Variants in ZNF841 observed in about 807,000 individuals in gnomAD.
The protein encoded by ZNF841 is zinc finger protein 841, also known as TCONS_00006091.
Under a neutral mutation model 13.0 loss-of-function variants are expected in ZNF841, and 11 were observed. The ratio of observed to expected loss-of-function variants is 0.85; its 90% CI spans 0.53 to 1.40. ZNF841 has a LOEUF of 1.40. ZNF841 is among the 40% of genes most tolerant of loss of function. ZNF841 has a pLI of 0.00. For synonymous variants in ZNF841, 369 were observed against 381.6 expected (o/e 0.97, Z 0.38); for missense variants, 1,068 against 1,139.5 (o/e 0.94, Z 0.90).
At chr19:52,077,284 G>C (rs903500958) in intron 4 of ZNF841, among the ~76,000 whole-genome samples, 200 bp from the exon 5 acceptor site, 1 of 151,994 alleles carries the variant, frequency 6.6e-6, no homozygotes, top group Non-Finnish European at 1.5e-5. Context: ...TATCTAAATC[G>C]GTGCACATTT....
At position 52,066,188 on chromosome 19, in the gene ZNF841, C is replaced by T. The variant is rs746705071; in HGVS notation, c.1694G>A (p.Gly565Glu). 5 of 1,613,882 alleles carry T rather than the reference C, an allele frequency of 3.1e-6. No individual in the cohort carries two copies. In the South Asian group the frequency reaches 4.4e-5, roughly 14 times the overall value. Residue 565 changes from glycine to glutamate, a missense_variant, in exon 7 of 7, where the codon GGA becomes GAA. By Grantham distance (98) the Gly-to-Glu change is moderately conservative. Coordinates refer to ENST00000594440, the MANE Select transcript of ZNF841 (RefSeq NM_001136499.2). Reference sequence around the variant, plus strand: ...TTTATTACAATGGAGAGGTTTCTCTCCAGTATGACATCTCATATGAACCGA... The same window carrying T: ...TTTATTACAATGGAGAGGTTTCTCTTCAGTATGACATCTCATATGAACCGA... ...YLSVHMRCHT[G>E]EKPLHCNKCG...
chr19:52,069,687 T>C (rs1387813618), intron 6 of ZNF841, among the ~76,000 whole-genome samples: 1 of 152,172 alleles, frequency 6.6e-6, no homozygotes, highest in Non-Finnish European at 1.5e-5. Context: ...GCTTTTTGCA[T>C]GACAATCTCT....
downstream of ZNF841, among the ~76,000 whole-genome samples, chr19:52,059,568 G>A (rs2087364105): frequency 1.3e-5 from 2 of 151,546 alleles, no homozygotes; most frequent in African/African-American, 4.9e-5. Context: ...TATATCAACA[G>A]GATTTTTAAA....
chr19:52,067,194 C>A lies in ZNF841; in HGVS notation c.688G>T (p.Val230Phe), dbSNP rs1393496306. 6.4e-7 allele frequency: 1 copy of A among 1,550,774 alleles called. No individual in the cohort carries two copies. Among genetic ancestry groups the A allele is most frequent in the Admixed American group, 2.0e-5 (1 of 50,768 alleles). ...TATTTCCTAGAAATGTTGGTTTGGA[C>A]ACCAGGAAAAATTCTTTGAAGTGGT... ...ASPLQRIFPG[V>F]QTNISRKYGN... is the part of the protein sequence containing the mutation. The change falls in exon 7 of 7, where the codon GTC (valine) becomes TTC (phenylalanine). Residue 230 changes from valine to phenylalanine, a missense_variant. Val to Phe is a conservative substitution (Grantham distance 50, BLOSUM62 -1). Coordinates refer to ENST00000594440, the MANE Select transcript of ZNF841 (RefSeq NM_001136499.2).
At chr19:52,058,669 C>G in the ZNF841 span, 4 of 152,730 alleles carry the variant, frequency 2.6e-5, no homozygotes, top group Non-Finnish European at 4.4e-5. Context: ...GACAAATTGT[C>G]TACAATATTT....
intron 6 of ZNF841, among the ~76,000 whole-genome samples, chr19:52,070,770 A>T (rs1261149932): frequency 6.6e-6 from 1 of 152,196 alleles, no homozygotes; most frequent in Non-Finnish European, 1.5e-5. Context: ...CCCTGCACAT[A>T]TTGATTTACG....
chr19:52,091,410 T>C (rs1449174825), intron 2 of ZNF841, among the ~76,000 whole-genome samples: 3 of 152,174 alleles, frequency 2.0e-5, no homozygotes, highest in African/African-American at 7.2e-5. Flanking sequence ...AAAAAGAACA[T>C]GCTAGAGGCA....
chr19:52,094,706 T>C (rs1354116621), intron 1 of ZNF841, among the ~76,000 whole-genome samples: 1 of 151,694 alleles, frequency 6.6e-6, no homozygotes, highest in Non-Finnish European at 1.5e-5. Flanking sequence ...CACTGCCCTC[T>C]CTCCCTCTCT....
At chr19:52,085,003 C>A (rs929347575) in intron 3 of ZNF841, 125 bp from the exon 4 acceptor site, 5 of 587,564 alleles carry the variant, frequency 8.5e-6, no homozygotes, top group Middle Eastern at 4.6e-4. Context: ...GGGATGCAAG[C>A]ATAATAAACT....
At chr19:52,090,864 G>A (rs1260211309) in intron 2 of ZNF841, among the ~76,000 whole-genome samples, 3 of 152,140 alleles carry the variant, frequency 2.0e-5, no homozygotes, top group Admixed American at 2.0e-4. Flanking sequence ...GCCGCCAGAA[G>A]GTATGCTGAG....
At position 52,067,318 on chromosome 19, in the gene ZNF841, A is replaced by G; in HGVS notation, c.564T>C (p.Phe188=). The G allele has an allele frequency of 6.4e-7, 1 of 1,551,630 alleles. No homozygotes were observed. Among genetic ancestry groups the G allele is most frequent in the Non-Finnish European group, 8.7e-7 (1 of 1,146,970 alleles). Residue 188 remains phenylalanine (F), a synonymous_variant, in exon 7 of 7, where the codon TTT becomes TTC. Coordinates refer to ENST00000594440, the MANE Select transcript of ZNF841 (RefSeq NM_001136499.2). ...KHMENQLILR[F]QSGLGELQKF... Reference sequence around the variant, plus strand: ...TCTGCAATTCACCCAGACCGGACTGAAACCTTAATATAAGCTGATTTTCCA... The same window carrying G: ...TCTGCAATTCACCCAGACCGGACTGGAACCTTAATATAAGCTGATTTTCCA...
chr19:52,083,339 A>G (rs1341904078), intron 4 of ZNF841, among the ~76,000 whole-genome samples: 1 of 151,182 alleles, frequency 6.6e-6, no homozygotes, highest in Non-Finnish European at 1.5e-5. Flanking sequence ...TGCATTTCCT[A>G]TTTTGGTGAA....
chr19:52,063,145 G>A (rs1211258398), downstream of ZNF841, among the ~76,000 whole-genome samples: 3 of 152,100 alleles, frequency 2.0e-5, no homozygotes, highest in Admixed American at 6.6e-5. Flanking sequence ...AAAGTGCTGG[G>A]ATTACAGGCG....
intron 4 of ZNF841, among the ~76,000 whole-genome samples, chr19:52,079,990 T>A (rs2088043520): frequency 1.7e-5 from 2 of 117,184 alleles, no homozygotes; most frequent in African/African-American, 3.2e-5. Flanking sequence ...AAACTCCATC[T>A]CAGGGAAAAA....
intron 4 of ZNF841, among the ~76,000 whole-genome samples, chr19:52,077,292 T>C (rs1213406204): frequency 6.6e-6 from 1 of 152,204 alleles, no homozygotes; most frequent in African/African-American, 2.4e-5. Flanking sequence ...TCGGTGCACA[T>C]TTCTCACTTT....
chr19:52,067,845 C>T (rs1021007984), intron 6 of ZNF841, among the ~76,000 whole-genome samples: 3 of 151,932 alleles, frequency 2.0e-5, no homozygotes, highest in African/African-American at 7.3e-5. Context: ...ATCCTTCGAC[C>T]AAAAGACTCA....
intron 4 of ZNF841, among the ~76,000 whole-genome samples, chr19:52,079,523 GT>G: frequency 1.0e-5 from 1 of 95,742 alleles, no homozygotes; most frequent in East Asian, 2.6e-4. Flanking sequence ...TCTAAATTAA[GT>G]AAGAGAAAAG....
chr19:52,060,636 T>TCCTC (rs1308958466), downstream of ZNF841, among the ~76,000 whole-genome samples: 1 of 152,068 alleles, frequency 6.6e-6, no homozygotes, highest in Non-Finnish European at 1.5e-5. Flanking sequence ...CTCTCTGGTA[T>TCCTC]CCTCTGAAGG....
chr19:52,084,741 T>A lies in ZNF841; in HGVS notation c.15+46A>T, dbSNP rs760337947. The A allele has an allele frequency of 3.1e-6, 5 of 1,606,122 alleles. No homozygotes were observed. In the South Asian group the frequency reaches 5.6e-5, roughly 18 times the overall value. ...ATTTGCAGCTCCAATGCCCTGCATT[T>A]CAAAAAGGGAGGAGACAGAACAATC... On this transcript the variant is annotated intron_variant, in intron 4 of 6. Transcript: ENST00000594440.
Sources: allele counts gnomAD v4.1 joint callset (sites outside exome capture counted in the v4.1 genomes callset), GRCh38; gene constraint gnomAD v4.1.1; transcripts MANE v1.5; gene names NCBI Gene and HGNC (gene_info 2026-07-23, HGNC 2026-07-21).